ABCC9: variants seen among roughly 807,000 people sequenced by gnomAD.
ABCC9 encodes ATP binding cassette subfamily C member 9, also known as ATP-binding cassette sub-family C member 9.
ABCC9 carries 95 observed loss-of-function variants against 188.3 expected under a neutral mutation model. The observed-to-expected ratio is 0.50, with a 90% CI of 0.43 to 0.60. The LOEUF (loss-of-function observed/expected upper bound fraction) is 0.60. Among genes scored for constraint, ABCC9 ranks in the 20% least tolerant of loss-of-function variants. The pLI is 0.00. For synonymous variants in ABCC9, 659 were observed against 652.7 expected (o/e 1.01, Z -0.15); for missense variants, 1,102 against 1,876.3 (o/e 0.59, Z 7.62).
chr12:21,841,760 A>G (rs996764593), intron 29 of ABCC9, among the ~76,000 whole-genome samples: 1 of 152,202 alleles, frequency 6.6e-6, no homozygotes, highest in Non-Finnish European at 1.5e-5. Context: ...ATCAATCCAC[A>G]TGTTAATATA....
At position 21,801,374 on chromosome 12, in the gene ABCC9, C is replaced by T. The variant is rs575760950; in HGVS notation, c.4513-193G>A. Among the ~76,000 whole-genome samples, 10 of 152,178 alleles carry T rather than the reference C, an allele frequency of 6.6e-5. No individual in the cohort carries two copies. The South Asian group carries it at 1.9e-3, about 28-fold the overall frequency. On this transcript the variant is annotated intron_variant, in intron 39 of 39. Coordinates refer to ENST00000261200, the MANE Select transcript of ABCC9 (RefSeq NM_020297.4). ...TTATTTACATATTTTTAAGCAATGG[C>T]CAATATGGCTGGGTTTTCTATGGGC...
At chr12:21,881,132 A>T (rs1428890896) in intron 16 of ABCC9, among the ~76,000 whole-genome samples, 1 of 152,142 alleles carries the variant, frequency 6.6e-6, no homozygotes. Context: ...CAAGGAAATG[A>T]TGACTATAAT....
At position 21,906,273 on chromosome 12, in the gene ABCC9, T is replaced by G. The variant is rs1948042755; in HGVS notation, c.1471A>C (p.Arg491=). The change falls in exon 12 of 40, where the codon AGA becomes CGA. Residue 491 remains arginine (R), a synonymous_variant. Coordinates refer to ENST00000261200, the MANE Select transcript of ABCC9 (RefSeq NM_020297.4). The part of the protein sequence containing the change: ...QKSTLDYSTE[R]LKKTNEILKG... Reference sequence around the variant, plus strand: ...AATATTTCATTTGTTTTCTTGAGTCTCTCAGTGGAATAATCCTATAAAACA... The same window carrying G: ...AATATTTCATTTGTTTTCTTGAGTCGCTCAGTGGAATAATCCTATAAAACA... The G allele has an allele frequency of 1.2e-6, 2 of 1,610,772 alleles. No individual in the cohort carries two copies. Among genetic ancestry groups the G allele is most frequent in the Non-Finnish European group, 1.7e-6 (2 of 1,177,990 alleles).
intron 17 of ABCC9, 126 bp downstream of exon 17, chr12:21,875,528 G>T: frequency 1.4e-6 from 1 of 715,854 alleles, no homozygotes; most frequent in Non-Finnish European, 2.4e-6. Flanking sequence ...GCACAATAGT[G>T]CAAATAGGTA....
rs1320416591 is a variant in ABCC9, at chr12:21,925,979, A to G, written c.369T>C (p.His123=). ...TAGGAAAATTTGATGTTTCGATATTATGATAATACACTATCGATGTTGTAG... is the reference window on the plus strand; with the variant it reads ...TAGGAAAATTTGATGTTTCGATATTGTGATAATACACTATCGATGTTGTAG... ...VATTTSIVYY[H]NIETSNFPKL... Residue 123 remains histidine (H), a synonymous_variant, in exon 5 of 40, where the codon CAT becomes CAC. Transcript: ENST00000261200. 6.2e-7 allele frequency: 1 copy of G among 1,613,198 alleles called. No homozygotes were observed. The highest frequency in any genetic ancestry group is 8.5e-7 in the Non-Finnish European group (1 of 1,179,212).
At position 21,910,317 on chromosome 12, in the gene ABCC9, CAAA is replaced by C. The variant is rs35857705; in HGVS notation, c.1165-8_1165-6del. The stretch of plus-strand genomic sequence containing the variant: ...GATTTTATTATAAATCATGGCCTAC[CAAA>C]AAAAAAAAAAAGAGTACATAAAGCT... On this transcript the variant is annotated splice_region_variant and splice_polypyrimidine_tract_variant and intron_variant, in intron 9 of 39. Coordinates refer to ENST00000261200, the MANE Select transcript of ABCC9 (RefSeq NM_020297.4). The C allele has an allele frequency of 4.1e-4, 567 of 1,383,166 alleles. No homozygotes were observed. The highest frequency in any genetic ancestry group is 1.1e-3 in the Admixed American group (51 of 44,670). 85.7% of individuals were successfully genotyped at this position (1,383,166 alleles called of 1,614,324 possible).
At chr12:21,910,677 C>T in intron 9 of ABCC9, 149 bp downstream of exon 9, 1 of 709,856 alleles carries the variant, frequency 1.4e-6, no homozygotes, top group Admixed American at 2.7e-5. Context: ...AGCTCTGTTT[C>T]TTTCATTAAG....
chr12:21,803,259 T>C (rs1941591005), intron 39 of ABCC9, among the ~76,000 whole-genome samples: 1 of 152,086 alleles, frequency 6.6e-6, no homozygotes, highest in Admixed American at 6.6e-5. Flanking sequence ...TCAATAGCCA[T>C]ATCATGGATG....
At chr12:21,898,426 T>C (rs1441610754) in intron 12 of ABCC9, among the ~76,000 whole-genome samples, 1 of 152,194 alleles carries the variant, frequency 6.6e-6, no homozygotes. Flanking sequence ...CATCCTGTCT[T>C]CTAGCATTTT....
intron 21 of ABCC9, among the ~76,000 whole-genome samples, chr12:21,860,199 T>C (rs938910387): frequency 2.0e-5 from 3 of 152,204 alleles, no homozygotes; most frequent in Non-Finnish European, 2.9e-5. Flanking sequence ...AAGATGTAGG[T>C]ATTGTTTTAA....
chr12:21,844,450 AT>A (rs767642386), intron 28 of ABCC9, 32 bp downstream of exon 28: 44 of 1,562,224 alleles, frequency 2.8e-5, no homozygotes, highest in Non-Finnish European at 3.9e-5. Context: ...TGTGAAACTA[AT>A]TTTTGAACTT....
chr12:21,906,215 C>T lies in ABCC9; in HGVS notation c.1529G>A (p.Trp510Ter), dbSNP rs766936591. The T allele has an allele frequency of 2.5e-6, 4 of 1,613,028 alleles. No homozygotes were observed. Among genetic ancestry groups the T allele is most frequent in the Non-Finnish European group, 2.5e-6 (3 of 1,179,354 alleles). Residue 510 changes from tryptophan to a stop codon, truncating the protein, a stop_gained, in exon 12 of 40, where the codon TGG becomes TAG. Transcript: ENST00000261200. LOFTEE classifies it high-confidence loss of function. Reference protein sequence around the residue: ...KGIKLLKLYAWEHIFCKSVEE... With the variant: ...KGIKLLKLYA Reference sequence around the variant, plus strand: ...CACACTTTTGCAGAAAATGTGTTCCCAGGCATACAATTTTAGAAGTTTGAT... The same window carrying T: ...CACACTTTTGCAGAAAATGTGTTCCTAGGCATACAATTTTAGAAGTTTGAT...
intron 18 of ABCC9, among the ~76,000 whole-genome samples, chr12:21,864,906 C>T (rs2137532453): frequency 6.6e-6 from 1 of 152,232 alleles, no homozygotes; most frequent in Middle Eastern, 3.4e-3. Flanking sequence ...AAGGTAGCAG[C>T]AGAAATACTT....
intron 30 of ABCC9, among the ~76,000 whole-genome samples, chr12:21,830,262 C>T (rs1943682699): frequency 6.6e-6 from 1 of 152,146 alleles, no homozygotes; most frequent in Non-Finnish European, 1.5e-5. Flanking sequence ...CAACAATAGT[C>T]TCTTTTTATT....
chr12:21,872,553 GTCTA>G, intron 18 of ABCC9, 68 bp downstream of exon 18: 1 of 1,196,152 alleles, frequency 8.4e-7, no homozygotes, highest in Non-Finnish European at 1.2e-6. Context: ...AAATGTATTT[GTCTA>G]AGTTCTTTCC....
At position 21,832,464 on chromosome 12, in the gene ABCC9, A is replaced by G. The variant is rs145587513; in HGVS notation, c.3567-3404T>C. ...GAATTTTATCCATGGCAGCAGGGCC[A>G]TCCCATTTTCAAGACTTCTTTTGGG... On this transcript the variant is annotated intron_variant, in intron 30 of 39. Transcript: ENST00000261200. Among the ~76,000 whole-genome samples the G allele has an allele frequency of 2.4e-3, 369 of 152,362 alleles. 1 individual carries two copies. The highest frequency in any genetic ancestry group is 8.4e-3 in the African/African-American group (349 of 41,584).
chr12:21,928,824 T>A (rs1949155256), intron 4 of ABCC9, among the ~76,000 whole-genome samples: 1 of 152,190 alleles, frequency 6.6e-6, no homozygotes, highest in Non-Finnish European at 1.5e-5. Flanking sequence ...GTTAGTTCTC[T>A]ATTTACAAAG....
chr12:21,895,398 C>T (rs1289931557), intron 12 of ABCC9, 83 bp from the exon 13 acceptor site: 2 of 1,255,598 alleles, frequency 1.6e-6, no homozygotes, highest in Non-Finnish European at 2.3e-6. Flanking sequence ...ATTGCTTTAA[C>T]TTTCTTTGAA....
At chr12:21,845,414 A>G (rs958484624) in intron 26 of ABCC9, among the ~76,000 whole-genome samples, 189 bp downstream of exon 26, 3 of 152,178 alleles carry the variant, frequency 2.0e-5, no homozygotes, top group Non-Finnish European at 4.4e-5. Context: ...AAAAGTATTA[A>G]TAATAGCTTC....
Sources: allele counts gnomAD v4.1 joint callset (sites outside exome capture counted in the v4.1 genomes callset), GRCh38; gene constraint gnomAD v4.1.1; transcripts MANE v1.5; gene names NCBI Gene and HGNC (gene_info 2026-07-23, HGNC 2026-07-21).